The following LRRC18 variants were observed in gnomAD, a reference collection of about 807,000 sequenced individuals.
The protein encoded by LRRC18 is leucine rich repeat containing 18.
A neutral mutation model predicts 11.2 loss-of-function variants in LRRC18; 12 were observed. The ratio of observed to expected loss-of-function variants is 1.07; its 90% CI spans 0.69 to 1.74. The LOEUF (loss-of-function observed/expected upper bound fraction) is 1.74. Ranked by LOEUF, LRRC18 falls within the 40% of genes most tolerant of loss-of-function variation. The probability of loss-of-function intolerance (pLI) is 0.00; values close to 1 mark genes in which losing one functional copy is unlikely to be tolerated. For synonymous variants in LRRC18, 155 were observed against 130.6 expected (o/e 1.19, Z -1.27); for missense variants, 374 against 330.5 (o/e 1.13, Z -1.02).
At chr10:48,935,111 A>G in the LRRC18 span, 1 of 152,300 alleles carries the variant, frequency 6.6e-6, no homozygotes, top group South Asian at 2.1e-4. Context: ...GTAGAGATCC[A>G]AGCAGTTGTT....
At chr10:48,917,496 G>A (rs1016862947), upstream of LRRC18, among the ~76,000 whole-genome samples, 8 of 152,156 alleles carry the variant, frequency 5.3e-5, no homozygotes, top group South Asian at 2.1e-4. Flanking sequence ...GAAAGCTGCC[G>A]GAGAACAATG....
At chr10:48,937,558 T>A in the LRRC18 span, among the ~76,000 whole-genome samples, 1 of 152,202 alleles carries the variant, frequency 6.6e-6, no homozygotes, top group East Asian at 1.9e-4. Flanking sequence ...CATCTGTTAA[T>A]GGAAATTATG....
chr10:48,936,852 G>GA, the LRRC18 span, among the ~76,000 whole-genome samples: 4 of 142,566 alleles, frequency 2.8e-5, no homozygotes, highest in Admixed American at 1.4e-4. Flanking sequence ...AAAAAAAAAA[G>GA]AAAAAAAAAG....
the LRRC18 span, among the ~76,000 whole-genome samples, chr10:48,923,163 A>G: frequency 6.6e-6 from 1 of 152,100 alleles, no homozygotes; most frequent in East Asian, 1.9e-4. Context: ...TTAAGCCCCC[A>G]CACAACCAGT....
At chr10:48,938,904 T>A in the LRRC18 span, among the ~76,000 whole-genome samples, 1 of 152,106 alleles carries the variant, frequency 6.6e-6, no homozygotes, top group Non-Finnish European at 1.5e-5. Flanking sequence ...TGATGTGATG[T>A]CCCCTGTATG....
chr10:48,913,917 A>G (rs768149386), exon 1 of LRRC18: 2 of 1,614,108 alleles, frequency 1.2e-6, no homozygotes, highest in Admixed American at 3.3e-5. Context: ...GTTGCTGTGC[A>G]GGTCCAGCCA....
chr10:48,927,666 A>G, the LRRC18 span, among the ~76,000 whole-genome samples: 2,234 of 152,340 alleles, frequency 0.015, 21 homozygotes, highest in Non-Finnish European at 0.022. Flanking sequence ...GGCTCTGCAC[A>G]TGTGCTGCCT....
chr10:48,926,396 G>T, the LRRC18 span, among the ~76,000 whole-genome samples: 216 of 152,338 alleles, frequency 1.4e-3, 1 homozygote, highest in South Asian at 1.9e-3. Flanking sequence ...CCTGGGAACT[G>T]CAATGTCACC....
the LRRC18 span, among the ~76,000 whole-genome samples, chr10:48,934,497 C>G: frequency 2.6e-5 from 4 of 152,312 alleles, no homozygotes; most frequent in East Asian, 5.8e-4. Context: ...CCCATTATAC[C>G]TGTCATAAAA....
At chr10:48,938,850 G>A in the LRRC18 span, among the ~76,000 whole-genome samples, 2 of 152,258 alleles carry the variant, frequency 1.3e-5, no homozygotes, top group Non-Finnish European at 2.9e-5. Context: ...AAGTCATCCA[G>A]TAGAGGTGGA....
chr10:48,919,988 A>G, the LRRC18 span, among the ~76,000 whole-genome samples: 1 of 152,258 alleles, frequency 6.6e-6, no homozygotes, highest in African/African-American at 2.4e-5. Flanking sequence ...CTTCATGAAC[A>G]TAGTTACAAA....
At chr10:48,925,175 A>G in the LRRC18 span, among the ~76,000 whole-genome samples, 1 of 152,080 alleles carries the variant, frequency 6.6e-6, no homozygotes, top group African/African-American at 2.4e-5. Flanking sequence ...CTCTCTCCCG[A>G]CCCTCATATT....
At chr10:48,923,879 T>A in the LRRC18 span, among the ~76,000 whole-genome samples, 3 of 152,208 alleles carry the variant, frequency 2.0e-5, no homozygotes, top group Non-Finnish European at 2.9e-5. Context: ...GAGAGAATCC[T>A]GGACAGGAAG....
At chr10:48,931,025 C>A in the LRRC18 span, among the ~76,000 whole-genome samples, 1 of 151,874 alleles carries the variant, frequency 6.6e-6, no homozygotes, top group South Asian at 2.1e-4. Context: ...AAATTCCCTG[C>A]AACAGATATA....
the LRRC18 span, among the ~76,000 whole-genome samples, chr10:48,922,590 T>C: frequency 1.3e-5 from 2 of 152,196 alleles, no homozygotes; most frequent in Non-Finnish European, 2.9e-5. Flanking sequence ...AATTAAACTT[T>C]ATCATAGGCA....
chr10:48,915,821 G>A (rs541439705), upstream of LRRC18, among the ~76,000 whole-genome samples: 1 of 152,262 alleles, frequency 6.6e-6, no homozygotes, highest in South Asian at 2.1e-4. Context: ...CAGCATTGAT[G>A]TTCATTTACA....
chr10:48,910,031 C>G (rs917464361), exon 2 of LRRC18: 48 of 546,466 alleles, frequency 8.8e-5, no homozygotes, highest in Non-Finnish European at 1.0e-4. Context: ...AAATATTTCC[C>G]AAAGTCATTT....
the LRRC18 span, among the ~76,000 whole-genome samples, chr10:48,920,662 C>G: frequency 6.6e-6 from 1 of 152,104 alleles, no homozygotes; most frequent in East Asian, 1.9e-4. Flanking sequence ...GAAATTCTAA[C>G]CAGTGCAATA....
the LRRC18 span, among the ~76,000 whole-genome samples, chr10:48,927,377 G>T: frequency 3.3e-5 from 5 of 152,266 alleles, no homozygotes; most frequent in East Asian, 9.6e-4. Context: ...TGGGTGGTGG[G>T]GGGAGGGGAA....
Sources: gnomAD v4.1 joint callset for allele counts (sites outside exome capture counted in the v4.1 genomes callset) on GRCh38, gnomAD v4.1.1 for gene constraint, MANE v1.5 for transcripts, NCBI Gene and HGNC (gene_info 2026-07-23, HGNC 2026-07-21) for gene names.